Variants in MAST2 observed in about 807,000 individuals in gnomAD.
MAST2 encodes the protein microtubule-associated serine/threonine-protein kinase 2.
Under a neutral mutation model 147.4 loss-of-function variants are expected in MAST2, and 70 were observed. That is an observed-to-expected ratio of 0.47 (90% CI 0.39 to 0.58). The LOEUF is 0.58. Ranked by LOEUF, MAST2 falls within the 20% of genes least tolerant of loss-of-function variation. The probability of loss-of-function intolerance (pLI) is 0.00; values close to 1 mark genes in which losing one functional copy is unlikely to be tolerated. For missense variants in MAST2, 2,080 were observed against 2,302.3 expected, an observed-to-expected ratio of 0.90 and a Z score of 1.98; for synonymous variants, 869 against 896.8, an observed-to-expected ratio of 0.97 and a Z score of 0.55.
intron 10 of MAST2, among the ~76,000 whole-genome samples, chr1:46,013,246 C>T (rs1479539547): frequency 6.6e-6 from 1 of 152,116 alleles, no homozygotes; most frequent in Non-Finnish European, 1.5e-5. Flanking sequence ...CTCAAGATAA[C>T]TGATTTTTTT....
At chr1:45,952,210 G>T (rs1659030069) in intron 4 of MAST2, among the ~76,000 whole-genome samples, 1 of 152,180 alleles carries the variant, frequency 6.6e-6, no homozygotes, top group African/African-American at 2.4e-5. Context: ...TAACAATTGT[G>T]GCATGGAGAA....
At chr1:45,864,844 G>GA (rs1398651803) in intron 3 of MAST2, among the ~76,000 whole-genome samples, 1 of 152,164 alleles carries the variant, frequency 6.6e-6, no homozygotes, top group African/African-American at 2.4e-5. Flanking sequence ...GGTATGCATG[G>GA]AAAATGAAAA....
At chr1:45,949,182 C>T (rs1380291354) in intron 4 of MAST2, among the ~76,000 whole-genome samples, 1 of 152,074 alleles carries the variant, frequency 6.6e-6, no homozygotes, top group Non-Finnish European at 1.5e-5. Context: ...GATTTCATGA[C>T]AAAGACACCA....
chr1:45,901,464 C>T (rs756111880), intron 4 of MAST2, among the ~76,000 whole-genome samples: 6 of 152,004 alleles, frequency 3.9e-5, no homozygotes, highest in Non-Finnish European at 8.8e-5. Context: ...TTTTTGCTTA[C>T]GATTGCTTTT....
At chr1:45,846,100 C>A (rs1645425665) in intron 3 of MAST2, among the ~76,000 whole-genome samples, 1 of 142,232 alleles carries the variant, frequency 7.0e-6, no homozygotes, top group Admixed American at 7.3e-5. Flanking sequence ...TGTGGGAGAT[C>A]AACATAACAA....
At chr1:46,027,908 T>C (rs1646483425) in intron 17 of MAST2, 45 bp downstream of exon 17, 2 of 1,607,794 alleles carry the variant, frequency 1.2e-6, no homozygotes, top group Admixed American at 1.7e-5. Context: ...TTCTAGGCCC[T>C]TGTCCTGGCG....
intron 4 of MAST2, among the ~76,000 whole-genome samples, chr1:45,891,729 G>T (rs908274377): frequency 6.6e-6 from 1 of 151,612 alleles, no homozygotes; most frequent in Non-Finnish European, 1.5e-5. Flanking sequence ...AAACAAGGGT[G>T]GTCTCATTGG....
At chr1:45,855,362 C>T (rs1645754170) in intron 3 of MAST2, among the ~76,000 whole-genome samples, 1 of 151,906 alleles carries the variant, frequency 6.6e-6, no homozygotes, top group Non-Finnish European at 1.5e-5. Flanking sequence ...TCTTCTGACC[C>T]ATGAAAATAG....
At chr1:45,854,513 A>G (rs1413955821) in intron 3 of MAST2, among the ~76,000 whole-genome samples, 1 of 152,160 alleles carries the variant, frequency 6.6e-6, no homozygotes, top group African/African-American at 2.4e-5. Context: ...GTTCTATTTC[A>G]AAATGGTTTT....
Position 45,997,768 on chromosome 1 carries a change from C to A in MAST2, c.637C>A (p.Pro213Thr). ...DSPRNFSPNA[P>T]AHFSFVPARR... ...CCCCCGGAATTTCTCTCCAAATGCA[C>A]CTGCTCACTTTTCTTTTGTTCCTGC... The change falls in exon 6 of 29, where the codon CCT becomes ACT. Residue 213 changes from proline to threonine, a missense_variant. Pro to Thr is a conservative substitution (Grantham distance 38). Transcript: ENST00000361297. The A allele has an allele frequency of 1.2e-6, 2 of 1,614,166 alleles. No homozygotes were observed. The highest frequency in any genetic ancestry group is 2.7e-5 in the African/African-American group (2 of 75,052).
intron 5 of MAST2, among the ~76,000 whole-genome samples, chr1:45,977,695 G>T (rs929385145): frequency 2.6e-5 from 4 of 151,748 alleles, no homozygotes; most frequent in Non-Finnish European, 4.4e-5. Flanking sequence ...AGCTACTCGG[G>T]AGGCTGAGGC....
intron 5 of MAST2, among the ~76,000 whole-genome samples, chr1:45,987,776 G>GGT (rs1644692974): frequency 9.8e-5 from 3 of 30,708 alleles, no homozygotes; most frequent in Non-Finnish European, 1.2e-4. Context: ...TTTTTTTTTT[G>GGT]ATTTTTTTTT....
intron 5 of MAST2, among the ~76,000 whole-genome samples, chr1:45,967,380 C>T (rs1016539537): frequency 6.6e-6 from 1 of 152,092 alleles, no homozygotes; most frequent in Admixed American, 6.6e-5. Flanking sequence ...TTGCATATAA[C>T]TTTTGACTGC....
At chr1:46,029,982 ATGGGTCCTACCTGTT>A (rs1434228821) in intron 20 of MAST2, 29 bp downstream of exon 20, 1 of 1,613,362 alleles carries the variant, frequency 6.2e-7, no homozygotes, top group Admixed American at 1.7e-5. Flanking sequence ...GGGGTGGAGG[ATGGGTCCTACCTGTT>A]TGCCTAGAAA....
chr1:45,992,771 G>A (rs72895037), intron 5 of MAST2, among the ~76,000 whole-genome samples: 7,306 of 152,032 alleles, frequency 0.048, 621 homozygotes, highest in African/African-American at 0.17. Flanking sequence ...GGCATTTAAT[G>A]TGGTTGTTGA....
At chr1:46,025,961 AGCCCCCC>A in intron 16 of MAST2, 146 bp downstream of exon 16, 1 of 986,026 alleles carries the variant, frequency 1.0e-6, no homozygotes, top group Non-Finnish European at 1.5e-6. Context: ...CTAGTTCTCT[AGCCCCCC>A]GACCACCCCA....
At chr1:45,916,781 A>G (rs1286746787) in intron 4 of MAST2, among the ~76,000 whole-genome samples, 1 of 152,214 alleles carries the variant, frequency 6.6e-6, no homozygotes, top group Non-Finnish European at 1.5e-5. Context: ...CCAGAAACCA[A>G]TTCTAAATAC....
intron 6 of MAST2, among the ~76,000 whole-genome samples, chr1:46,000,758 A>T (rs866257676): frequency 3.9e-5 from 6 of 152,240 alleles, no homozygotes; most frequent in Middle Eastern, 3.2e-3. Flanking sequence ...TTGGAGGATC[A>T]CATTGGTTTG....
rs1015671091 is a variant in MAST2, at chr1:46,029,950, G to A, written c.2440G>A (p.Asp814Asn). ...LESEDDTSYFDTRSERYHHMD... is the reference protein window; with the variant it reads ...LESEDDTSYFNTRSERYHHMD... Reference sequence around the variant, plus strand: ...GTCAGAGGATGATACTAGCTATTTTGACAGTAAGGCCACCGATGGGTGGGG... The same window carrying A: ...GTCAGAGGATGATACTAGCTATTTTAACAGTAAGGCCACCGATGGGTGGGG... The change falls in exon 20 of 29, where the codon GAC becomes AAC. Residue 814 changes from aspartate to asparagine, a missense_variant. Physicochemically the swap from Asp to Asn is conservative, Grantham distance 23. This residue lies in a region of MAST2 where 1,278 missense variants were observed against 1,304.2 expected (regional missense o/e 0.98). Transcript: ENST00000361297. The A allele has an allele frequency of 4.3e-6, 7 of 1,614,116 alleles. No homozygotes were observed. Among genetic ancestry groups the A allele is most frequent in the Non-Finnish European group, 5.9e-6 (7 of 1,180,016 alleles).
Sources: gnomAD v4.1 joint callset for allele counts (sites outside exome capture counted in the v4.1 genomes callset) on GRCh38, gnomAD v4.1.1 for gene constraint, gnomAD v4.1.1 regional missense constraint, MANE v1.5 for transcripts, NCBI Gene and HGNC (gene_info 2026-07-23, HGNC 2026-07-21) for gene names.